The following CENPH variants were observed in gnomAD, a reference collection of about 807,000 sequenced individuals.
The protein encoded by CENPH is CENP-H.
CENPH carries 40 observed loss-of-function variants against 42.9 expected under a neutral mutation model. The ratio of observed to expected loss-of-function variants is 0.93; its 90% CI spans 0.72 to 1.21. The LOEUF (loss-of-function observed/expected upper bound fraction) is 1.21. CENPH is among the 50% of genes most tolerant of loss of function. The pLI, the probability that CENPH is intolerant of heterozygous loss-of-function variation, is 0.00. For missense variants in CENPH, 302 were observed against 292.9 expected (o/e 1.03, Z -0.23); for synonymous variants, 88 against 96.5 (o/e 0.91, Z 0.52).
chr5:69,191,945 C>CGCAGTCTCTGGTTTACT (rs1457018330), intron 2 of CENPH, 95 bp downstream of exon 2: 11 of 698,022 alleles, frequency 1.6e-5, no homozygotes, highest in Non-Finnish European at 2.5e-5. Flanking sequence ...AATGTAGTGG[C>CGCAGTCTCTGGTTTACT]GCAGTCTCTG....
At chr5:69,198,110 C>T (rs1156622162) in intron 5 of CENPH, among the ~76,000 whole-genome samples, 13 of 151,670 alleles carry the variant, frequency 8.6e-5, no homozygotes, top group African/African-American at 3.1e-4. Context: ...TTAGTAGAGA[C>T]GGGCTTTCAC....
In CENPH at chr5:69,202,582, AT is replaced by A; in HGVS notation, c.435+15del. 1 of 1,412,144 alleles carries A rather than the reference AT, an allele frequency of 7.1e-7. No individual in the cohort carries two copies. The highest frequency in any genetic ancestry group is 1.0e-6 in the Non-Finnish European group (1 of 1,004,522). 87.5% of individuals were successfully genotyped at this position (1,412,144 alleles called of 1,614,324 possible). Reference sequence around the variant, plus strand: ...GAAATCACAGCAGGTAAACTTACACATTAGGCTGATTATGCATTCTCATGAT... The same window carrying A: ...GAAATCACAGCAGGTAAACTTACACATAGGCTGATTATGCATTCTCATGAT... On this transcript the variant is annotated intron_variant, in intron 6 of 8. Coordinates refer to ENST00000283006, the MANE Select transcript of CENPH (RefSeq NM_022909.4).
chr5:69,189,596 GT>G lies in CENPH; in HGVS notation c.-36del. The G allele has an allele frequency of 3.9e-6, 6 of 1,542,432 alleles. No individual in the cohort carries two copies. Among genetic ancestry groups the G allele is most frequent in the Non-Finnish European group, 5.2e-6 (6 of 1,148,500 alleles). On this transcript the variant is annotated 5_prime_UTR_variant, in exon 1 of 9. Coordinates refer to ENST00000283006, the MANE Select transcript of CENPH (RefSeq NM_022909.4). Reference sequence around the variant, plus strand: ...GGGAAAAGCGACCTTTTCTGAGCGCGTTTGCCTGTTGAGTGGTAGCCTTTCC... The same window carrying G: ...GGGAAAAGCGACCTTTTCTGAGCGCGTTGCCTGTTGAGTGGTAGCCTTTCC...
At chr5:69,189,841 G>T (rs1318112073) in intron 1 of CENPH, 73 bp downstream of exon 1, 4 of 1,402,938 alleles carry the variant, frequency 2.9e-6, no homozygotes, top group African/African-American at 3.0e-5. Flanking sequence ...TGCTCAGAAG[G>T]GCTAGGGTTC....
At position 69,202,983 on chromosome 5, in the gene CENPH, C is replaced by CTT; in HGVS notation, c.487+21_487+22dup. ...AAGAAGAGATTGCGTATGTAGAACA[C>CTT]TTTTTTTTTGGCAGAACACATTTTG... On this transcript the variant is annotated intron_variant, in intron 7 of 8. Transcript: ENST00000283006. 6 of 1,537,766 alleles carry CTT rather than the reference C, an allele frequency of 3.9e-6. No homozygotes were observed. Among genetic ancestry groups the CTT allele is most frequent in the Non-Finnish European group, 5.3e-6 (6 of 1,124,450 alleles).
intron 2 of CENPH, 86 bp from the exon 3 acceptor site, chr5:69,194,561 C>T (rs926481532): frequency 5.7e-6 from 4 of 707,820 alleles, no homozygotes; most frequent in Non-Finnish European, 9.7e-6. Flanking sequence ...TAAATGATGT[C>T]TTTTGCCCTT....
chr5:69,205,870 G>A lies in CENPH; in HGVS notation c.488-2326G>A, dbSNP rs553641643. Among the ~76,000 whole-genome samples, 43 of 151,176 alleles carry A rather than the reference G, an allele frequency of 2.8e-4. No individual in the cohort carries two copies. In the East Asian group the frequency reaches 6.1e-3, roughly 21 times the overall value. On this transcript the variant is annotated intron_variant, in intron 7 of 8. Coordinates refer to ENST00000283006, the MANE Select transcript of CENPH (RefSeq NM_022909.4). ...ACTACAGGCACCCGCCACCACGCCC[G>A]GCTAATTTTTTTGTATTTTTAGTAG...
chr5:69,190,614 T>C (rs1173904126), intron 1 of CENPH, among the ~76,000 whole-genome samples: 6 of 152,224 alleles, frequency 3.9e-5, no homozygotes, highest in Non-Finnish European at 8.8e-5. Context: ...GCGCGGTGGC[T>C]CACGCCTGTA....
intron 7 of CENPH, 86 bp downstream of exon 7, chr5:69,203,056 T>TAGGAAATTTC: frequency 1.1e-6 from 1 of 897,060 alleles, no homozygotes; most frequent in Non-Finnish European, 1.7e-6. Context: ...ACTGAGAAAT[T>TAGGAAATTTC]TCCTAATTTC....
chr5:69,198,167 G>T (rs1049124920), intron 5 of CENPH, among the ~76,000 whole-genome samples: 1 of 151,722 alleles, frequency 6.6e-6, no homozygotes, highest in East Asian at 1.9e-4. Flanking sequence ...TGATCCACCC[G>T]CCTCGGCCTC....
chr5:69,197,205 TTGTC>T (rs1412393880), intron 5 of CENPH, 96 bp downstream of exon 5: 1 of 654,034 alleles, frequency 1.5e-6, no homozygotes, highest in Non-Finnish European at 2.4e-6. Context: ...CCAACTACCT[TTGTC>T]TGGGGAATAA....
intron 5 of CENPH, among the ~76,000 whole-genome samples, chr5:69,201,651 G>A (rs1419363597): frequency 2.0e-5 from 3 of 152,092 alleles, no homozygotes; most frequent in Admixed American, 2.0e-4. Context: ...TTCAACCCTG[G>A]AGTTCCAGAC....
At chr5:69,202,683 G>A in intron 6 of CENPH, 114 bp downstream of exon 6, 1 of 718,942 alleles carries the variant, frequency 1.4e-6, no homozygotes, top group Non-Finnish European at 2.4e-6. Context: ...GCTATGATTG[G>A]AATTCGCTGT....
At chr5:69,202,473 C>A (rs779449686) in intron 5 of CENPH, 33 bp from the exon 6 acceptor site, 7 of 1,237,240 alleles carry the variant, frequency 5.7e-6, no homozygotes, top group South Asian at 2.7e-5. Flanking sequence ...TTACAAATAA[C>A]CTTAATAAAT....
At chr5:69,189,925 A>C (rs547936976) in intron 1 of CENPH, among the ~76,000 whole-genome samples, 157 bp downstream of exon 1, 2 of 152,332 alleles carry the variant, frequency 1.3e-5, no homozygotes, top group South Asian at 4.1e-4. Flanking sequence ...TTTCTTCATC[A>C]GCGAAAAGGA....
At chr5:69,197,708 C>T (rs1005127749) in intron 5 of CENPH, among the ~76,000 whole-genome samples, 2 of 151,672 alleles carry the variant, frequency 1.3e-5, no homozygotes, top group South Asian at 4.2e-4. Context: ...TGCTAAATGA[C>T]GAGTTAATGG....
chr5:69,189,793 C>T, intron 1 of CENPH, 25 bp downstream of exon 1: 2 of 1,426,806 alleles, frequency 1.4e-6, no homozygotes, highest in Non-Finnish European at 1.8e-6. Flanking sequence ...CCTCCTCAGC[C>T]GGGGCCAAGT....
intron 4 of CENPH, among the ~76,000 whole-genome samples, chr5:69,196,096 G>C (rs549866264): frequency 6.6e-6 from 1 of 151,968 alleles, no homozygotes; most frequent in African/African-American, 2.4e-5. Flanking sequence ...GCAAAACCAC[G>C]CTTGGCTAAT....
intron 2 of CENPH, among the ~76,000 whole-genome samples, chr5:69,193,668 T>G (rs1219168208): frequency 6.6e-6 from 1 of 151,296 alleles, no homozygotes; most frequent in Non-Finnish European, 1.5e-5. Flanking sequence ...TTTCTGTTTT[T>G]TTTTTTTTTT....
Sources: allele counts gnomAD v4.1 joint callset (sites outside exome capture counted in the v4.1 genomes callset), GRCh38; gene constraint gnomAD v4.1.1; transcripts MANE v1.5; gene names NCBI Gene and HGNC (gene_info 2026-07-23, HGNC 2026-07-21).